The following CHN2 variants were observed in gnomAD, a reference collection of about 807,000 sequenced individuals.
CHN2 encodes chimerin 2.
CHN2 carries 35 observed loss-of-function variants against 56.3 expected under a neutral mutation model. The observed-to-expected ratio is 0.62, with a 90% confidence interval of 0.47 to 0.82. CHN2 has a LOEUF of 0.82. CHN2 is among the 40% of genes least tolerant of loss of function. The probability of loss-of-function intolerance (pLI) is 0.00; values close to 1 mark genes in which losing one functional copy is unlikely to be tolerated. For missense variants in CHN2, 491 were observed against 580.5 expected (o/e 0.85, Z 1.58); for synonymous variants, 210 against 212.8 (o/e 0.99, Z 0.12).
chr7:29,234,385 C>T (rs888049195), intron 1 of CHN2, among the ~76,000 whole-genome samples: 4 of 152,178 alleles, frequency 2.6e-5, no homozygotes, highest in East Asian at 1.9e-4. Flanking sequence ...AAACCTTCCT[C>T]GATCAGACTC....
At chr7:29,381,407 T>C (rs1800486480) in intron 3 of CHN2, among the ~76,000 whole-genome samples, 1 of 152,086 alleles carries the variant, frequency 6.6e-6, no homozygotes, top group Non-Finnish European at 1.5e-5. Flanking sequence ...TAAGGCAGAT[T>C]TTGAGAGCCA....
chr7:29,219,235 G>A (rs564324601), intron 1 of CHN2, among the ~76,000 whole-genome samples: 45 of 152,016 alleles, frequency 3.0e-4, no homozygotes, highest in Admixed American at 1.6e-3. Flanking sequence ...GTAGGAAGCT[G>A]CTTAGAAACG....
intron 1 of CHN2, among the ~76,000 whole-genome samples, chr7:29,318,376 C>A (rs181477554): frequency 2.0e-5 from 3 of 152,288 alleles, no homozygotes; most frequent in African/African-American, 7.2e-5. Context: ...ACTAGGTGGC[C>A]CACAAAGCCT....
At chr7:29,393,572 G>A in intron 3 of CHN2, 107 bp from the exon 4 acceptor site, 2 of 514,328 alleles carry the variant, frequency 3.9e-6, no homozygotes, top group South Asian at 1.9e-5. Context: ...GATACAATCT[G>A]TAATAAAATT....
chr7:29,151,512 G>A (rs906224180), intron 2 of CHN2, among the ~76,000 whole-genome samples: 1 of 152,208 alleles, frequency 6.6e-6, no homozygotes, highest in Non-Finnish European at 1.5e-5. Flanking sequence ...AGCTGAGCAA[G>A]CCCTGTGTAA....
At chr7:29,392,710 G>A (rs1250131807) in intron 3 of CHN2, among the ~76,000 whole-genome samples, 1 of 152,100 alleles carries the variant, frequency 6.6e-6, no homozygotes, top group East Asian at 1.9e-4. Context: ...CCAGGAAACT[G>A]CCCCATATCA....
intron 1 of CHN2, among the ~76,000 whole-genome samples, chr7:29,228,188 GTGTT>G (rs944265153): frequency 5.3e-5 from 8 of 150,910 alleles, no homozygotes; most frequent in Non-Finnish European, 8.8e-5. Context: ...GTGTGTGTGT[GTGTT>G]TGTGTGTTTG....
At position 29,507,361 on chromosome 7, in the gene CHN2, A is replaced by C; in HGVS notation, c.1125A>C (p.Ala375=). Residue 375 remains alanine, a synonymous_variant, in exon 11 of 13, where the codon GCA becomes GCC. Transcript: ENST00000222792. ...ATACCTATTCCAAATTTATAGATGC[A>C]GCAAGTAAGTACTTCAAATTAATTT... ...TYDTYSKFID[A]AKISNADERL... 1 of 1,601,590 alleles carries C rather than the reference A, an allele frequency of 6.2e-7. No homozygotes were observed. Among genetic ancestry groups the C allele is most frequent in the Non-Finnish European group, 8.5e-7 (1 of 1,174,900 alleles).
At chr7:29,254,672 A>G (rs970875782) in intron 1 of CHN2, among the ~76,000 whole-genome samples, 2 of 152,134 alleles carry the variant, frequency 1.3e-5, no homozygotes, top group African/African-American at 4.8e-5. Context: ...GGGACTGGAC[A>G]TGAGAATCTC....
At chr7:29,290,842 A>G (rs1186373605) in intron 1 of CHN2, among the ~76,000 whole-genome samples, 1 of 152,152 alleles carries the variant, frequency 6.6e-6, no homozygotes, top group Non-Finnish European at 1.5e-5. Context: ...CAAGTTTTAG[A>G]GCGAGAGTGA....
intron 2 of CHN2, among the ~76,000 whole-genome samples, chr7:29,163,009 G>T (rs531490524): frequency 1.1e-3 from 160 of 152,272 alleles, no homozygotes; most frequent in Non-Finnish European, 1.8e-3. Flanking sequence ...GTAGTTAATT[G>T]TACCAATCAA....
chr7:29,507,383 A>AT lies in CHN2; in HGVS notation c.1129+24dup, dbSNP rs758937705. 94 of 1,579,712 alleles carry AT rather than the reference A, an allele frequency of 6.0e-5. 1 individual carries two copies. The Admixed American group carries it at 7.4e-4, about 13-fold the overall frequency. ...TGCAGCAAGTAAGTACTTCAAATTA[A>AT]TTTTTTATTTCTACCAAATTTTTAA... is the stretch of plus-strand genomic sequence containing the variant. On this transcript the variant is annotated intron_variant, in intron 11 of 12. Transcript: ENST00000222792.
At chr7:29,390,540 TAA>T (rs749585681) in intron 3 of CHN2, among the ~76,000 whole-genome samples, 19 of 152,230 alleles carry the variant, frequency 1.2e-4, no homozygotes, top group Admixed American at 6.5e-4. Context: ...ATTTTTTTAT[TAA>T]GTTGCCTGAT....
chr7:29,263,985 C>T (rs1295927577), intron 1 of CHN2, among the ~76,000 whole-genome samples: 2 of 118,568 alleles, frequency 1.7e-5, no homozygotes, highest in Non-Finnish European at 3.4e-5. Flanking sequence ...GGGCAGCCCC[C>T]GCCCAGCCAG....
At chr7:29,284,128 G>T (rs574466843) in intron 1 of CHN2, among the ~76,000 whole-genome samples, 1 of 151,392 alleles carries the variant, frequency 6.6e-6, no homozygotes, top group Admixed American at 6.6e-5. Flanking sequence ...GACGGAGTCT[G>T]GCTCTGTCCC....
At chr7:29,366,557 T>C (rs894811526) in intron 2 of CHN2, among the ~76,000 whole-genome samples, 1 of 152,196 alleles carries the variant, frequency 6.6e-6, no homozygotes, top group African/African-American at 2.4e-5. Flanking sequence ...TATTGGTTCA[T>C]TGGGATCTGA....
At chr7:29,449,472 T>C (rs1319266874) in intron 6 of CHN2, among the ~76,000 whole-genome samples, 2 of 152,220 alleles carry the variant, frequency 1.3e-5, no homozygotes, top group Non-Finnish European at 2.9e-5. Flanking sequence ...CATCCATTCA[T>C]TGAAATATAA....
At chr7:29,495,901 C>A in intron 7 of CHN2, 51 bp from the exon 8 acceptor site, 1 of 1,500,646 alleles carries the variant, frequency 6.7e-7, no homozygotes. Flanking sequence ...AGGCTACCTG[C>A]CTTTAAATGA....
At chr7:29,281,628 A>C (rs1469195980) in intron 1 of CHN2, among the ~76,000 whole-genome samples, 2 of 152,174 alleles carry the variant, frequency 1.3e-5, no homozygotes, top group African/African-American at 4.8e-5. Context: ...AATATGTTTA[A>C]AACAACTTCA....
Sources: allele counts gnomAD v4.1 joint callset (sites outside exome capture counted in the v4.1 genomes callset), GRCh38; gene constraint gnomAD v4.1.1; transcripts MANE v1.5; gene names NCBI Gene and HGNC (gene_info 2026-07-23, HGNC 2026-07-21).